Variants in DENND1A observed in about 807,000 individuals in gnomAD.
DENND1A encodes DENN domain containing 1A, also known as DENN domain-containing protein 1A.
Under a neutral mutation model 113.7 loss-of-function variants are expected in DENND1A, and 51 were observed. That is an observed-to-expected ratio of 0.45 (90% CI 0.36 to 0.57). The LOEUF (loss-of-function observed/expected upper bound fraction) is 0.57, where lower values mean the gene tolerates loss of function less well. DENND1A is among the 20% of genes least tolerant of loss of function. DENND1A has a pLI of 0.00. For missense variants in DENND1A, 1,258 were observed against 1,395.9 expected, an observed-to-expected ratio of 0.90 and a Z score of 1.57; for synonymous variants, 565 against 570.8, an observed-to-expected ratio of 0.99 and a Z score of 0.14.
intron 2 of DENND1A, among the ~76,000 whole-genome samples, chr9:123,811,606 A>C (rs1185773819): frequency 2.0e-5 from 3 of 152,084 alleles, no homozygotes; most frequent in Non-Finnish European, 4.4e-5. Flanking sequence ...AAACATACAA[A>C]AAATTAGCCA....
At chr9:123,391,369 C>A (rs2042834601) in intron 21 of DENND1A, among the ~76,000 whole-genome samples, 1 of 152,212 alleles carries the variant, frequency 6.6e-6, no homozygotes, top group South Asian at 2.1e-4. Context: ...TACTTACAAG[C>A]CTTGGGCGAA....
At chr9:123,423,930 A>G (rs1201384691) in intron 19 of DENND1A, among the ~76,000 whole-genome samples, 1 of 152,244 alleles carries the variant, frequency 6.6e-6, no homozygotes, top group Non-Finnish European at 1.5e-5. Context: ...TTGGTTTAGC[A>G]TAATACTGTA....
At chr9:123,733,742 T>C (rs1417474497) in intron 5 of DENND1A, among the ~76,000 whole-genome samples, 2 of 151,916 alleles carry the variant, frequency 1.3e-5, no homozygotes, top group African/African-American at 4.8e-5. Context: ...CTTGGCTCAC[T>C]GCAACCTCCA....
At chr9:123,445,698 C>A (rs2132510122) in intron 18 of DENND1A, among the ~76,000 whole-genome samples, 1 of 152,276 alleles carries the variant, frequency 6.6e-6, no homozygotes, top group East Asian at 1.9e-4. Context: ...TGGCAAAACC[C>A]CGTCTCTACA....
At position 123,383,576 on chromosome 9, in the gene DENND1A, C is replaced by A. The variant is rs543768963; in HGVS notation, c.2019+79G>T. The A allele has an allele frequency of 3.6e-5, 55 of 1,542,964 alleles. No homozygotes were observed. The African/African-American group carries it at 6.9e-4, about 19-fold the overall frequency. ...GTCACTGTTTCTCCCTTAGTCTCTTCCACTGTCACATGGGGATCCCACCTC... is the reference window on the plus strand; with the variant it reads ...GTCACTGTTTCTCCCTTAGTCTCTTACACTGTCACATGGGGATCCCACCTC... On this transcript the variant is annotated intron_variant, in intron 23 of 23. Coordinates refer to ENST00000394215, the MANE Select transcript of DENND1A (RefSeq NM_001352964.2).
chr9:123,793,672 G>GTA (rs1333721485), intron 2 of DENND1A, among the ~76,000 whole-genome samples: 4 of 152,002 alleles, frequency 2.6e-5, no homozygotes, highest in Admixed American at 2.6e-4. Context: ...ATGAATCCAC[G>GTA]TAAAAGTTCA....
At chr9:123,687,159 T>C (rs2064862522) in intron 5 of DENND1A, among the ~76,000 whole-genome samples, 3 of 152,036 alleles carry the variant, frequency 2.0e-5, no homozygotes, top group Admixed American at 2.0e-4. Flanking sequence ...GAAAGTAGGA[T>C]ATGAATGAAG....
At chr9:123,642,260 C>T (rs1175950730) in intron 9 of DENND1A, among the ~76,000 whole-genome samples, 1 of 152,196 alleles carries the variant, frequency 6.6e-6, no homozygotes, top group Non-Finnish European at 1.5e-5. Flanking sequence ...AGAGAATGCC[C>T]GTATAAGTAA....
intron 5 of DENND1A, among the ~76,000 whole-genome samples, chr9:123,712,879 G>GA (rs2066724096): frequency 6.6e-6 from 1 of 152,220 alleles, no homozygotes; most frequent in Non-Finnish European, 1.5e-5. Flanking sequence ...CTGGCAGAAA[G>GA]TTCTACCTAA....
intron 2 of DENND1A, among the ~76,000 whole-genome samples, chr9:123,829,321 CAT>C (rs1298308279): frequency 1.7e-4 from 26 of 151,888 alleles, no homozygotes; most frequent in South Asian, 1.7e-3. Flanking sequence ...GAAAATTACA[CAT>C]GACATGAAAT....
At chr9:123,572,463 A>T (rs1156366697) in intron 12 of DENND1A, among the ~76,000 whole-genome samples, 1 of 152,182 alleles carries the variant, frequency 6.6e-6, no homozygotes, top group Non-Finnish European at 1.5e-5. Context: ...TACAGTAAAC[A>T]TATGTTTAAA....
intron 18 of DENND1A, 31 bp from the exon 19 acceptor site, chr9:123,440,522 A>C (rs983296301): frequency 2.6e-6 from 4 of 1,529,222 alleles, no homozygotes; most frequent in Middle Eastern, 1.7e-4. Context: ...AGCGGTTGGC[A>C]CTGGGGTTCT....
At chr9:123,457,253 C>T in intron 15 of DENND1A, 95 bp downstream of exon 15, 1 of 933,350 alleles carries the variant, frequency 1.1e-6, no homozygotes, top group South Asian at 1.4e-5. Flanking sequence ...TCCTAAGCCC[C>T]AATAAAGGAA....
chr9:123,674,335 C>CTCTG (rs2063918840), intron 6 of DENND1A, among the ~76,000 whole-genome samples: 1 of 125,256 alleles, frequency 8.0e-6, no homozygotes, highest in African/African-American at 3.3e-5. Flanking sequence ...CTGTCTCTGT[C>CTCTG]TCTCTCTCAC....
intron 13 of DENND1A, among the ~76,000 whole-genome samples, chr9:123,534,089 G>A (rs777912486): frequency 6.6e-6 from 1 of 152,104 alleles, no homozygotes; most frequent in African/African-American, 2.4e-5. Flanking sequence ...AGACTATATG[G>A]AACTTATATT....
intron 2 of DENND1A, among the ~76,000 whole-genome samples, chr9:123,869,897 T>C (rs1846276009): frequency 6.7e-6 from 1 of 148,688 alleles, no homozygotes; most frequent in African/African-American, 2.5e-5. Flanking sequence ...GAGGCTGAGG[T>C]GGGAGGATCA....
intron 6 of DENND1A, among the ~76,000 whole-genome samples, chr9:123,672,672 T>G (rs1363743160): frequency 1.3e-5 from 2 of 152,228 alleles, no homozygotes; most frequent in African/African-American, 4.8e-5. Flanking sequence ...AGGATAAATT[T>G]GGCCCCTAAC....
chr9:123,404,559 C>A (rs1292427292), intron 20 of DENND1A, among the ~76,000 whole-genome samples: 4 of 150,952 alleles, frequency 2.6e-5, no homozygotes, highest in African/African-American at 9.8e-5. Context: ...CCACCTCCTG[C>A]CCACCCTTTG....
chr9:123,769,653 A>C (rs1230242190), intron 3 of DENND1A, 90 bp from the exon 4 acceptor site: 2 of 1,114,192 alleles, frequency 1.8e-6, no homozygotes, highest in African/African-American at 1.6e-5. Context: ...ACTTTACCCT[A>C]AAGAAAGAGG....
Sources: gnomAD v4.1 joint callset for allele counts (sites outside exome capture counted in the v4.1 genomes callset) on GRCh38, gnomAD v4.1.1 for gene constraint, MANE v1.5 for transcripts, NCBI Gene and HGNC (gene_info 2026-07-23, HGNC 2026-07-21) for gene names.